The following MCF2L2 variants were observed in gnomAD, a reference collection of about 807,000 sequenced individuals.
MCF2L2 encodes the protein probable guanine nucleotide exchange factor MCF2L2.
In MCF2L2, 102 loss-of-function variants were observed where a neutral mutation model predicts 150.2. The ratio of observed to expected loss-of-function variants is 0.68; its 90% CI spans 0.58 to 0.80. The LOEUF is 0.80. Ranked by LOEUF, MCF2L2 falls within the 30% of genes least tolerant of loss-of-function variation. The probability of loss-of-function intolerance (pLI) is 0.00; values close to 1 mark genes in which losing one functional copy is unlikely to be tolerated. For synonymous variants in MCF2L2, 465 were observed against 491.3 expected (o/e 0.95, Z 0.71); for missense variants, 1,256 against 1,372.8 (o/e 0.91, Z 1.34).
intron 10 of MCF2L2, among the ~76,000 whole-genome samples, chr3:183,301,812 G>C (rs1324054763): frequency 2.1e-5 from 3 of 141,126 alleles, no homozygotes; most frequent in Non-Finnish European, 3.0e-5. Flanking sequence ...AAAAAAAAGA[G>C]AAAAGAAAGC....
At chr3:183,427,781 G>T in intron 1 of MCF2L2, 121 bp downstream of exon 1, 2 of 848,132 alleles carry the variant, frequency 2.4e-6, no homozygotes, top group South Asian at 1.4e-5. Context: ...CCAGATGCCG[G>T]GCAACCCCCC....
chr3:183,311,824 T>G, intron 7 of MCF2L2, 52 bp from the exon 8 acceptor site: 1 of 1,548,012 alleles, frequency 6.5e-7, no homozygotes, highest in Non-Finnish European at 8.8e-7. Flanking sequence ...AACAAATTCT[T>G]GGTAGAATTG....
chr3:183,228,022 T>TACACACACACAC, intron 18 of MCF2L2: 2 of 25,564 alleles, frequency 7.8e-5, no homozygotes, highest in East Asian at 8.4e-3. Context: ...TATATATATA[T>TACACACACACAC]ACATATACAC....
chr3:183,290,537 C>CTTTT (rs1234550454), intron 13 of MCF2L2, among the ~76,000 whole-genome samples: 1 of 151,006 alleles, frequency 6.6e-6, no homozygotes, highest in African/African-American at 2.5e-5. Context: ...TTCTTTCTTT[C>CTTTT]TTTCTTTTTT....
intron 15 of MCF2L2, among the ~76,000 whole-genome samples, chr3:183,259,486 C>T (rs896154014): frequency 1.3e-5 from 2 of 152,102 alleles, no homozygotes; most frequent in East Asian, 1.9e-4. Flanking sequence ...TTACTTCTTA[C>T]GTGTCATTTT....
At chr3:183,190,554 T>A (rs1433286711) in intron 27 of MCF2L2, among the ~76,000 whole-genome samples, 1 of 152,150 alleles carries the variant, frequency 6.6e-6, no homozygotes, top group East Asian at 1.9e-4. Flanking sequence ...ATCAGCCTGA[T>A]CCCCTGGGCA....
In MCF2L2 at chr3:183,181,377, T is replaced by G. The variant is rs976409320; in HGVS notation, c.3017-1218A>C. 6.6e-6 allele frequency among the ~76,000 whole-genome samples: 1 copy of G among 151,998 alleles called. No homozygotes were observed. Among genetic ancestry groups the G allele is most frequent in the African/African-American group, 2.4e-5 (1 of 41,394 alleles). Reference sequence around the variant, plus strand: ...AGGCCCCTCTGAAATCCTGCCTGACTCTGGCAGGCTCCGAGGGGGCTGGAC... The same window carrying G: ...AGGCCCCTCTGAAATCCTGCCTGACGCTGGCAGGCTCCGAGGGGGCTGGAC... On this transcript the variant is annotated intron_variant, in intron 27 of 29. Coordinates refer to ENST00000328913, the MANE Select transcript of MCF2L2 (RefSeq NM_015078.4). This position sits in a 1 kb window ranked among gnomAD's most constrained non-coding sequence, Gnocchi z 4.3.
intron 20 of MCF2L2, among the ~76,000 whole-genome samples, chr3:183,221,587 G>T (rs532444029): frequency 1.6e-4 from 25 of 152,286 alleles, no homozygotes; most frequent in African/African-American, 5.5e-4. Flanking sequence ...CTGGAACCTA[G>T]GCTGAGGGAG....
At chr3:183,187,747 G>A (rs911204613) in intron 27 of MCF2L2, among the ~76,000 whole-genome samples, 6 of 151,984 alleles carry the variant, frequency 3.9e-5, no homozygotes, top group African/African-American at 9.7e-5. Flanking sequence ...GATTACAGGC[G>A]TGAGCCACCG....
chr3:183,412,320 A>G lies in MCF2L2; in HGVS notation c.76+15582T>C, dbSNP rs549782624. On this transcript the variant is annotated intron_variant, in intron 1 of 29. Transcript: ENST00000328913. ...TTGTTGTTGTTGTTGTTTGAGACAGAGTCTCCCTCTGTCATCCAGGCTGGA... is the reference window on the plus strand; with the variant it reads ...TTGTTGTTGTTGTTGTTTGAGACAGGGTCTCCCTCTGTCATCCAGGCTGGA... Among the ~76,000 whole-genome samples, 58 of 152,110 alleles carry G rather than the reference A, an allele frequency of 3.8e-4. 1 individual carries two copies. Among genetic ancestry groups the G allele is most frequent in the African/African-American group, 1.3e-3 (55 of 41,470 alleles).
At chr3:183,397,381 C>T (rs1056254105) in intron 1 of MCF2L2, among the ~76,000 whole-genome samples, 1 of 152,166 alleles carries the variant, frequency 6.6e-6, no homozygotes, top group Admixed American at 6.6e-5. Context: ...TGAGTCCTCA[C>T]GTGGCAGGAG....
chr3:183,289,552 G>A (rs774385985), intron 13 of MCF2L2, among the ~76,000 whole-genome samples: 6 of 152,082 alleles, frequency 3.9e-5, no homozygotes, highest in Non-Finnish European at 7.4e-5. Context: ...CATTTTTAAG[G>A]CCCAGCTAAA....
chr3:183,386,788 C>T (rs1406725258), intron 2 of MCF2L2, among the ~76,000 whole-genome samples: 1 of 152,194 alleles, frequency 6.6e-6, no homozygotes, highest in Non-Finnish European at 1.5e-5. Context: ...ACAACAGCCT[C>T]CTTGCTGACA....
intron 3 of MCF2L2, among the ~76,000 whole-genome samples, chr3:183,357,121 G>A (rs1376223603): frequency 6.6e-6 from 1 of 152,080 alleles, no homozygotes; most frequent in Non-Finnish European, 1.5e-5. Context: ...ATAAAACAGA[G>A]GGACTTCTGG....
intron 14 of MCF2L2, among the ~76,000 whole-genome samples, chr3:183,281,427 C>CCCTAG (rs1453534077): frequency 2.7e-5 from 4 of 147,704 alleles, no homozygotes; most frequent in African/African-American, 1.0e-4. Context: ...AGAGAATCTA[C>CCCTAG]CCTAGCAGCA....
chr3:183,215,540 T>C (rs1184321109), intron 22 of MCF2L2, among the ~76,000 whole-genome samples: 1 of 152,222 alleles, frequency 6.6e-6, no homozygotes, highest in East Asian at 1.9e-4. Context: ...GGGCCTCTTC[T>C]GGGATCTGTG....
At chr3:183,337,281 GCA>G (rs1415040079) in intron 5 of MCF2L2, among the ~76,000 whole-genome samples, 4 of 152,136 alleles carry the variant, frequency 2.6e-5, no homozygotes, top group Non-Finnish European at 5.9e-5. Context: ...TATCAGCTAG[GCA>G]CAGTGGCTCA....
At position 183,397,914 on chromosome 3, in the gene MCF2L2, C is replaced by T. The variant is rs115258042; in HGVS notation, c.77-8135G>A. The stretch of plus-strand genomic sequence containing the variant: ...ATGATGATAAAGCCATAGAATACTA[C>T]GGAGGCATTAAATAAAATCAGATAC... On this transcript the variant is annotated intron_variant, in intron 1 of 29. Coordinates refer to ENST00000328913, the MANE Select transcript of MCF2L2 (RefSeq NM_015078.4). Among the ~76,000 whole-genome samples the T allele has an allele frequency of 1.6e-3, 239 of 152,124 alleles. 1 individual carries two copies. Among genetic ancestry groups the T allele is most frequent in the African/African-American group, 5.2e-3 (217 of 41,480 alleles).
At chr3:183,233,117 G>A (rs551289395) in intron 15 of MCF2L2, among the ~76,000 whole-genome samples, 2 of 152,300 alleles carry the variant, frequency 1.3e-5, no homozygotes, top group South Asian at 2.1e-4. Context: ...CTGGGAGGCT[G>A]AGGCAGGTGG....
Sources: gnomAD v4.1 joint callset for allele counts (sites outside exome capture counted in the v4.1 genomes callset) on GRCh38, gnomAD v4.1.1 for gene constraint, Gnocchi (gnomAD v3.1) non-coding constraint, MANE v1.5 for transcripts, NCBI Gene and HGNC (gene_info 2026-07-23, HGNC 2026-07-21) for gene names.